The following LYST variants were observed in gnomAD, a reference collection of about 807,000 sequenced individuals.
The protein encoded by LYST is lysosomal-trafficking regulator.
A neutral mutation model predicts 413.6 loss-of-function variants in LYST; 192 were observed. That is an observed-to-expected ratio of 0.46 (90% confidence interval 0.41 to 0.52). The LOEUF (loss-of-function observed/expected upper bound fraction) is 0.52. Ranked by LOEUF, LYST falls within the 20% of genes least tolerant of loss-of-function variation. The probability of loss-of-function intolerance (pLI) is 0.00; values close to 1 mark genes in which losing one functional copy is unlikely to be tolerated. For missense variants in LYST, 3,815 were observed against 4,499.9 expected, an observed-to-expected ratio of 0.85 and a Z score of 4.35; for synonymous variants, 1,525 against 1,567.3, an observed-to-expected ratio of 0.97 and a Z score of 0.64.
At chr1:235,835,991 C>T (rs1032698615) in intron 1 of LYST, among the ~76,000 whole-genome samples, 34 of 152,240 alleles carry the variant, frequency 2.2e-4, no homozygotes, top group African/African-American at 7.0e-4. Flanking sequence ...CAACGATATT[C>T]GTAGAATTTT....
intron 25 of LYST, among the ~76,000 whole-genome samples, chr1:235,754,229 C>CTTTTTTTTT (rs71576486): frequency 1.4e-4 from 12 of 86,548 alleles, no homozygotes; most frequent in African/African-American, 1.8e-4. Context: ...CTTTTCTTTT[C>CTTTTTTTTT]TTTTTTTTTT....
chr1:235,808,183 AT>A (rs756700383), intron 5 of LYST, among the ~76,000 whole-genome samples: 9 of 152,196 alleles, frequency 5.9e-5, no homozygotes, highest in Non-Finnish European at 1.2e-4. Flanking sequence ...CCTCTTCTCT[AT>A]AAACAGCTCA....
At chr1:235,751,153 T>C (rs1407017341) in intron 28 of LYST, 57 bp downstream of exon 28, 7 of 1,485,132 alleles carry the variant, frequency 4.7e-6, no homozygotes, top group Admixed American at 1.7e-5. Flanking sequence ...CATAAGAACA[T>C]AGGAAAGTCA....
chr1:235,731,098 G>T lies in LYST; in HGVS notation c.8881C>A (p.Arg2961Ser), dbSNP rs768974637. 6.2e-7 allele frequency: 1 copy of T among 1,613,286 alleles called. No homozygotes were observed. Residue 2961 changes from arginine (R) to serine (S), a missense_variant, in exon 35 of 53, where the codon CGT (arginine) becomes AGT (serine). Physicochemically the swap from Arg to Ser is moderately radical, Grantham distance 110. Transcript: ENST00000389793. ...PTEGPNRERRRLQRCYLTIPN... is the reference protein window; with the variant it reads ...PTEGPNRERRSLQRCYLTIPN... ...ATAGTTAAATAACATCTCTGTAAACGTCTCCTCTCTCGATTTGGCCCTTCT... is the reference window on the plus strand; with the variant it reads ...ATAGTTAAATAACATCTCTGTAAACTTCTCCTCTCTCGATTTGGCCCTTCT...
chr1:235,785,812 C>T (rs981826608), intron 14 of LYST, among the ~76,000 whole-genome samples: 1 of 152,164 alleles, frequency 6.6e-6, no homozygotes, highest in Non-Finnish European at 1.5e-5. Context: ...CAATACAATA[C>T]TTCCCAATGC....
At chr1:235,820,309 G>T (rs1245239267) in intron 3 of LYST, among the ~76,000 whole-genome samples, 1 of 152,230 alleles carries the variant, frequency 6.6e-6, no homozygotes, top group East Asian at 1.9e-4. Flanking sequence ...TGGATGACAT[G>T]ATAAGGAACT....
chr1:235,724,351 A>C (rs902628142), intron 38 of LYST, among the ~76,000 whole-genome samples, 171 bp from the exon 39 acceptor site: 4 of 152,210 alleles, frequency 2.6e-5, no homozygotes, highest in South Asian at 4.1e-4. Flanking sequence ...ATGAATGATA[A>C]AATTTAGAAA....
chr1:235,776,970 A>G, intron 17 of LYST, 93 bp downstream of exon 17: 1 of 1,102,070 alleles, frequency 9.1e-7, no homozygotes, highest in Non-Finnish European at 1.3e-6. Flanking sequence ...AGTCGAGTGT[A>G]GCTTTTTCGT....
chr1:235,801,399 C>G (rs1672199127), intron 8 of LYST, among the ~76,000 whole-genome samples: 1 of 150,910 alleles, frequency 6.6e-6, no homozygotes, highest in African/African-American at 2.5e-5. Context: ...AAAAAAAAAC[C>G]TATTCAAACT....
At chr1:235,788,207 T>A (rs946518797) in intron 13 of LYST, among the ~76,000 whole-genome samples, 4 of 152,208 alleles carry the variant, frequency 2.6e-5, no homozygotes, top group African/African-American at 7.2e-5. Flanking sequence ...TCACCCAGAC[T>A]GGAGTGCAGT....
intron 1 of LYST, among the ~76,000 whole-genome samples, chr1:235,835,201 G>A (rs1045546549): frequency 6.6e-6 from 1 of 152,038 alleles, no homozygotes; most frequent in Non-Finnish European, 1.5e-5. Context: ...ACAAATGTGA[G>A]CCACCGTGCC....
intron 23 of LYST, 29 bp downstream of exon 23, chr1:235,758,943 G>T: frequency 6.2e-7 from 1 of 1,608,920 alleles, no homozygotes; most frequent in Non-Finnish European, 8.5e-7. Context: ...AAATAAAGGT[G>T]GGAGGAGTGT....
chr1:235,677,268 T>C (rs964493101), intron 49 of LYST, 80 bp from the exon 50 acceptor site: 10 of 1,196,962 alleles, frequency 8.4e-6, no homozygotes, highest in Middle Eastern at 3.9e-4. Context: ...TTCTTCTCAG[T>C]CTATGTACCT....
chr1:235,740,685 T>C (rs992092543), intron 31 of LYST, among the ~76,000 whole-genome samples: 1 of 152,230 alleles, frequency 6.6e-6, no homozygotes, highest in Non-Finnish European at 1.5e-5. Flanking sequence ...GAAATCACAA[T>C]GTGTTTGTAC....
At chr1:235,864,998 T>C (rs986510043) in intron 1 of LYST, among the ~76,000 whole-genome samples, 3 of 152,124 alleles carry the variant, frequency 2.0e-5, no homozygotes, top group Non-Finnish European at 4.4e-5. Flanking sequence ...GAGTAGAAAC[T>C]CAAGTCCTTA....
intron 45 of LYST, among the ~76,000 whole-genome samples, chr1:235,700,788 G>T (rs1042668468): frequency 5.3e-5 from 8 of 152,208 alleles, no homozygotes; most frequent in Non-Finnish European, 2.9e-5. Context: ...AATGCTGAGT[G>T]TCTATTATAT....
intron 34 of LYST, 34 bp from the exon 35 acceptor site, chr1:235,731,211 G>T: frequency 6.3e-7 from 1 of 1,594,220 alleles, no homozygotes; most frequent in South Asian, 1.1e-5. Context: ...TGTTTTAAGT[G>T]ACCATCCAGG....
At chr1:235,780,115 A>G (rs1377078229) in intron 16 of LYST, among the ~76,000 whole-genome samples, 1 of 152,116 alleles carries the variant, frequency 6.6e-6, no homozygotes, top group African/African-American at 2.4e-5. Flanking sequence ...ATTAAATAAT[A>G]AGTTTTTTAG....
chr1:235,740,426 C>T (rs555391601), intron 31 of LYST, among the ~76,000 whole-genome samples: 2 of 152,218 alleles, frequency 1.3e-5, no homozygotes, highest in African/African-American at 4.8e-5. Flanking sequence ...CCTTTCTCAC[C>T]GTCCCCCTTC....
Sources: gnomAD v4.1 joint callset for allele counts (sites outside exome capture counted in the v4.1 genomes callset) on GRCh38, gnomAD v4.1.1 for gene constraint, MANE v1.5 for transcripts, NCBI Gene and HGNC (gene_info 2026-07-23, HGNC 2026-07-21) for gene names.